MYO16: variants seen among roughly 807,000 people sequenced by gnomAD.
MYO16 encodes the protein unconventional myosin-XVI.
MYO16 carries 94 observed loss-of-function variants against 205.3 expected under a neutral mutation model. The ratio of observed to expected loss-of-function variants is 0.46; its 90% CI spans 0.39 to 0.54. The LOEUF is 0.54. Among genes scored for constraint, MYO16 ranks in the 20% least tolerant of loss-of-function variants. The pLI, the probability that MYO16 is intolerant of heterozygous loss-of-function variation, is 0.00. For synonymous variants in MYO16, 988 were observed against 954.0 expected, an observed-to-expected ratio of 1.04 and a Z score of -0.66; for missense variants, 2,315 against 2,387.5, an observed-to-expected ratio of 0.97 and a Z score of 0.63.
chr13:108,532,695 G>T, the MYO16 span, among the ~76,000 whole-genome samples: 1 of 152,002 alleles, frequency 6.6e-6, no homozygotes, highest in Non-Finnish European at 1.5e-5. Flanking sequence ...GGAGGCTGGG[G>T]CAGGAGCATC....
At chr13:108,976,732 A>G (rs1884272208) in intron 20 of MYO16, among the ~76,000 whole-genome samples, 1 of 152,202 alleles carries the variant, frequency 6.6e-6, no homozygotes, top group Non-Finnish European at 1.5e-5. Flanking sequence ...GAGAAAATAA[A>G]AATACGCTTA....
chr13:108,525,907 G>A, the MYO16 span, among the ~76,000 whole-genome samples: 1 of 150,748 alleles, frequency 6.6e-6, no homozygotes, highest in Non-Finnish European at 1.5e-5. Context: ...TTTAAGTGTG[G>A]CAACAGATGC....
chr13:108,633,562 G>A (rs953804730), intron 1 of MYO16, among the ~76,000 whole-genome samples: 10 of 152,146 alleles, frequency 6.6e-5, no homozygotes, highest in African/African-American at 1.9e-4. Flanking sequence ...CATCCAGATC[G>A]AGGGTGGGTC....
intron 23 of MYO16, among the ~76,000 whole-genome samples, chr13:109,039,104 C>T (rs1245123584): frequency 6.6e-6 from 1 of 152,184 alleles, no homozygotes; most frequent in Non-Finnish European, 1.5e-5. Flanking sequence ...TTTATCTTCA[C>T]CCAGAAATAA....
intron 4 of MYO16, among the ~76,000 whole-genome samples, chr13:108,736,291 G>A (rs994477466): frequency 3.9e-5 from 6 of 152,186 alleles, no homozygotes; most frequent in African/African-American, 1.4e-4. Context: ...TAACATTGAA[G>A]TCTTTAATCC....
intron 7 of MYO16, among the ~76,000 whole-genome samples, chr13:108,817,489 G>A (rs1173704561): frequency 1.3e-5 from 2 of 150,034 alleles, no homozygotes; most frequent in Non-Finnish European, 3.0e-5. Context: ...ATCACACTGT[G>A]TTTTCTTGTA....
intron 15 of MYO16, among the ~76,000 whole-genome samples, chr13:108,901,749 G>A (rs1219402490): frequency 6.6e-6 from 1 of 152,154 alleles, no homozygotes; most frequent in East Asian, 1.9e-4. Flanking sequence ...TTAAAACTCT[G>A]GCCAAATGAT....
At chr13:109,144,667 A>T (rs892670017) in intron 32 of MYO16, among the ~76,000 whole-genome samples, 2 of 152,192 alleles carry the variant, frequency 1.3e-5, no homozygotes, top group Admixed American at 6.5e-5. Flanking sequence ...GTGTGTGGCT[A>T]ATTTACCCTT....
At chr13:109,044,103 G>C (rs189992095) in intron 23 of MYO16, among the ~76,000 whole-genome samples, 1 of 152,096 alleles carries the variant, frequency 6.6e-6, no homozygotes, top group East Asian at 1.9e-4. Context: ...GATTGACCAT[G>C]TCATTCACTA....
chr13:108,880,682 G>A (rs1334637709), intron 12 of MYO16, among the ~76,000 whole-genome samples: 1 of 152,116 alleles, frequency 6.6e-6, no homozygotes, highest in Non-Finnish European at 1.5e-5. Flanking sequence ...TAGATGTGTG[G>A]TATTATTTCC....
chr13:109,206,495 C>A, intron 34 of MYO16, 114 bp from the exon 35 acceptor site: 1 of 754,210 alleles, frequency 1.3e-6, no homozygotes, highest in Non-Finnish European at 2.2e-6. Flanking sequence ...AGGAAAGAGG[C>A]TGCCTCTTTC....
intron 9 of MYO16, among the ~76,000 whole-genome samples, chr13:108,836,698 A>C (rs186923958): frequency 1.3e-5 from 2 of 152,320 alleles, no homozygotes; most frequent in Admixed American, 1.3e-4. Flanking sequence ...ACGTGGAGTC[A>C]AAAGAGAATC....
chr13:109,031,653 C>T (rs1408849920), intron 23 of MYO16, among the ~76,000 whole-genome samples: 1 of 152,158 alleles, frequency 6.6e-6, no homozygotes, highest in African/African-American at 2.4e-5. Flanking sequence ...TTTCACCTAC[C>T]TGGTAGTAGA....
At chr13:108,897,116 G>T (rs1025387427) in intron 14 of MYO16, among the ~76,000 whole-genome samples, 1 of 152,112 alleles carries the variant, frequency 6.6e-6, no homozygotes, top group South Asian at 2.1e-4. Flanking sequence ...AAACTAGTCC[G>T]TGTATCAATA....
chr13:108,774,982 T>G (rs1446452877), intron 4 of MYO16, among the ~76,000 whole-genome samples: 1 of 152,224 alleles, frequency 6.6e-6, no homozygotes, highest in Non-Finnish European at 1.5e-5. Flanking sequence ...GTAGAGTGAT[T>G]GCTAATGCTA....
At chr13:109,068,724 C>T (rs558323435) in intron 27 of MYO16, among the ~76,000 whole-genome samples, 11 of 152,024 alleles carry the variant, frequency 7.2e-5, no homozygotes, top group African/African-American at 2.4e-4. Context: ...CCGGAATAGC[C>T]GGGATTACAG....
intron 15 of MYO16, among the ~76,000 whole-genome samples, chr13:108,899,783 C>T (rs1880617377): frequency 6.6e-6 from 1 of 152,212 alleles, no homozygotes. Context: ...GAAGCTGAAA[C>T]ATTGAAAGCT....
intron 4 of MYO16, among the ~76,000 whole-genome samples, chr13:108,742,626 T>C (rs1460251756): frequency 1.3e-5 from 2 of 152,206 alleles, no homozygotes; most frequent in African/African-American, 2.4e-5. Flanking sequence ...TTCCAAGGTA[T>C]TTTACTTATT....
the MYO16 span, among the ~76,000 whole-genome samples, chr13:108,526,216 C>T: frequency 3.8e-3 from 586 of 152,212 alleles, 10 homozygotes; most frequent in South Asian, 0.056. Flanking sequence ...ATTTAGACTA[C>T]GCATGCATTT....
Sources: gnomAD v4.1 joint callset for allele counts (sites outside exome capture counted in the v4.1 genomes callset) on GRCh38, gnomAD v4.1.1 for gene constraint, MANE v1.5 for transcripts, NCBI Gene and HGNC (gene_info 2026-07-23, HGNC 2026-07-21) for gene names.